SLIT3: variants seen among roughly 807,000 people sequenced by gnomAD.
The protein encoded by SLIT3 is slit guidance ligand 3, also known as slit homolog 3 protein.
A neutral mutation model predicts 184.0 loss-of-function variants in SLIT3; 68 were observed. The observed-to-expected ratio is 0.37, with a 90% confidence interval of 0.30 to 0.45. The LOEUF is 0.45. Ranked by LOEUF, SLIT3 falls within the 20% of genes least tolerant of loss-of-function variation. The probability of loss-of-function intolerance (pLI) is 1.00; values close to 1 mark genes in which losing one functional copy is unlikely to be tolerated. For synonymous variants in SLIT3, 831 were observed against 828.6 expected, an observed-to-expected ratio of 1.00 and a Z score of -0.05; for missense variants, 1,707 against 2,026.0, an observed-to-expected ratio of 0.84 and a Z score of 3.02.
chr5:168,934,702 AG>A (rs1762097725), intron 4 of SLIT3, among the ~76,000 whole-genome samples: 1 of 152,170 alleles, frequency 6.6e-6, no homozygotes, highest in Admixed American at 6.5e-5. Context: ...ACTTCTGCAA[AG>A]GTCTGGAGGC....
chr5:168,768,145 C>T, intron 14 of SLIT3: 1 of 514,176 alleles, frequency 1.9e-6, no homozygotes, highest in East Asian at 5.6e-5. Context: ...GCGGGCCATG[C>T]TGCAGGAGAG....
At chr5:168,890,327 C>T (rs1407265669) in intron 4 of SLIT3, among the ~76,000 whole-genome samples, 1 of 152,076 alleles carries the variant, frequency 6.6e-6, no homozygotes, top group East Asian at 1.9e-4. Context: ...AGATGCCAAT[C>T]TGAATCAAGA....
chr5:169,097,937 A>G (rs1476769173), intron 4 of SLIT3, among the ~76,000 whole-genome samples: 3 of 151,924 alleles, frequency 2.0e-5, no homozygotes, highest in Non-Finnish European at 2.9e-5. Flanking sequence ...TAAGTAGGGA[A>G]CCCCCAGGGA....
chr5:168,931,478 T>G (rs1761985383), intron 4 of SLIT3, among the ~76,000 whole-genome samples: 1 of 152,212 alleles, frequency 6.6e-6, no homozygotes, highest in African/African-American at 2.4e-5. Flanking sequence ...CTGGTGTCAC[T>G]GAGCCTAAGG....
intron 4 of SLIT3, among the ~76,000 whole-genome samples, chr5:168,960,358 T>C (rs1038268411): frequency 6.6e-6 from 1 of 152,258 alleles, no homozygotes; most frequent in African/African-American, 2.4e-5. Flanking sequence ...ATTTAAACTA[T>C]GTATTAAATG....
rs1561913217 is a variant in SLIT3 at position 168,755,392 on chromosome 5, T to TATTTCTTTCTTTCTTTC, written c.1686-1386_1686-1385insGAAAGAAAGAAAGAAAT. On this transcript the variant is annotated intron_variant, in intron 16 of 35. Coordinates refer to ENST00000519560, the MANE Select transcript of SLIT3 (RefSeq NM_003062.4). ...CTATCAAACCCTCAGTGCCGCCATT[T>TATTTCTTTCTTTCTTTC]CTTTCTTTCTTTCTTTCTTTCTTTC... Among the ~76,000 whole-genome samples, 4 of 8,502 alleles carry TATTTCTTTCTTTCTTTC rather than the reference T, an allele frequency of 4.7e-4. No homozygotes were observed. In the African/African-American group the frequency reaches 4.9e-3, roughly 10 times the overall value. 5.6% of individuals were successfully genotyped at this position (8,502 alleles called of 152,430 possible). A position where few individuals can be genotyped will look rare whatever the true frequency, so the allele number is the denominator to read the frequency against.
At chr5:168,712,602 C>T (rs767329014) in intron 23 of SLIT3, 49 of 474,318 alleles carry the variant, frequency 1.0e-4, no homozygotes, top group Non-Finnish European at 1.7e-4. Context: ...AGACCTGAGG[C>T]GAAATCAGAA....
At chr5:168,837,098 G>A (rs1406088127) in intron 6 of SLIT3, among the ~76,000 whole-genome samples, 1 of 152,180 alleles carries the variant, frequency 6.6e-6, no homozygotes, top group East Asian at 1.9e-4. Context: ...AGTGGCACGA[G>A]AGCATTTATA....
chr5:169,225,884 C>G (rs772538600), intron 3 of SLIT3, among the ~76,000 whole-genome samples: 8 of 152,184 alleles, frequency 5.3e-5, no homozygotes, highest in Non-Finnish European at 1.2e-4. Context: ...TAAGCATAGT[C>G]TGTGTTTGGG....
intron 3 of SLIT3, among the ~76,000 whole-genome samples, chr5:169,202,279 C>T (rs1366838758): frequency 6.6e-6 from 1 of 152,156 alleles, no homozygotes; most frequent in Non-Finnish European, 1.5e-5. Flanking sequence ...CTGTCCTTGT[C>T]CATCTATCCA....
chr5:169,046,064 G>A (rs1204918329), intron 4 of SLIT3, among the ~76,000 whole-genome samples: 1 of 152,164 alleles, frequency 6.6e-6, no homozygotes, highest in African/African-American at 2.4e-5. Context: ...GGAAGCCAGA[G>A]TATGAGAAGG....
At chr5:168,802,619 C>G (rs768579226) in intron 9 of SLIT3, among the ~76,000 whole-genome samples, 1 of 152,194 alleles carries the variant, frequency 6.6e-6, no homozygotes, top group Non-Finnish European at 1.5e-5. Flanking sequence ...TAGCCTAGTT[C>G]CAGAACCTAT....
chr5:168,806,406 C>A, intron 9 of SLIT3, 40 bp downstream of exon 9: 1 of 1,611,844 alleles, frequency 6.2e-7, no homozygotes, highest in South Asian at 1.1e-5. Flanking sequence ...GCTGAATTCT[C>A]CGGCGACAGT....
intron 4 of SLIT3, among the ~76,000 whole-genome samples, chr5:169,141,424 G>GT (rs869103839): frequency 0.013 from 1,252 of 94,568 alleles, 9 homozygotes; most frequent in East Asian, 0.048. Context: ...TGTTTGTTTT[G>GT]TTTTTTTTTT....
At chr5:169,135,981 A>C (rs2113328767) in intron 4 of SLIT3, among the ~76,000 whole-genome samples, 1 of 152,322 alleles carries the variant, frequency 6.6e-6, no homozygotes, top group African/African-American at 2.4e-5. Flanking sequence ...TATATCACGG[A>C]CACGGATACA....
intron 4 of SLIT3, among the ~76,000 whole-genome samples, chr5:168,993,516 CCTCT>C (rs1364529478): frequency 2.0e-5 from 3 of 152,324 alleles, no homozygotes; most frequent in Middle Eastern, 3.4e-3. Flanking sequence ...TGGGGGTCAA[CCTCT>C]CTCTGTGGGC....
intron 4 of SLIT3, among the ~76,000 whole-genome samples, chr5:169,029,553 A>G (rs1173676498): frequency 1.3e-5 from 2 of 152,236 alleles, no homozygotes; most frequent in Admixed American, 6.5e-5. Context: ...ACTAAGCAAG[A>G]AATGAGGGCT....
At chr5:169,074,529 A>G (rs36102740) in intron 4 of SLIT3, among the ~76,000 whole-genome samples, 9,883 of 152,286 alleles carry the variant, frequency 0.065, 329 homozygotes, top group Non-Finnish European at 0.085. Flanking sequence ...AACACATCCT[A>G]TGAAGTAACC....
chr5:169,117,766 C>G (rs1328429814), intron 4 of SLIT3, among the ~76,000 whole-genome samples: 1 of 152,224 alleles, frequency 6.6e-6, no homozygotes, highest in Non-Finnish European at 1.5e-5. Context: ...AAAAGGAGAA[C>G]TCTGTTTCTC....
Sources: gnomAD v4.1 joint callset for allele counts (sites outside exome capture counted in the v4.1 genomes callset) on GRCh38, gnomAD v4.1.1 for gene constraint, MANE v1.5 for transcripts, NCBI Gene and HGNC (gene_info 2026-07-23, HGNC 2026-07-21) for gene names.